TMEM165: variants seen among roughly 807,000 people sequenced by gnomAD.
TMEM165 encodes transmembrane protein 165.
In TMEM165, 19 loss-of-function variants were observed where a neutral mutation model predicts 30.0. That is an observed-to-expected ratio of 0.63 (90% CI 0.44 to 0.93). The LOEUF (loss-of-function observed/expected upper bound fraction) is 0.93, where lower values mean the gene tolerates loss of function less well. Among genes scored for constraint, TMEM165 ranks in the 40% least tolerant of loss-of-function variants. The probability of loss-of-function intolerance (pLI) is 0.00; values close to 1 mark genes in which losing one functional copy is unlikely to be tolerated. For synonymous variants in TMEM165, 168 were observed against 162.9 expected (o/e 1.03, Z -0.24); for missense variants, 340 against 417.0 (o/e 0.82, Z 1.61).
intron 3 of TMEM165, chr4:55,438,641 G>C (rs1723092067): frequency 6.5e-7 from 1 of 1,548,036 alleles, no homozygotes; most frequent in Non-Finnish European, 8.8e-7. Context: ...CAATGACATT[G>C]CCAGTTTGTT....
chr4:55,428,774 T>C (rs1722341453), downstream of TMEM165: 2 of 151,512 alleles, frequency 1.3e-5, no homozygotes, highest in African/African-American at 4.9e-5. Flanking sequence ...ATGAAAAATT[T>C]ACAAAGGTAA....
chr4:55,409,853 A>C (rs1381832092), intron 1 of TMEM165, among the ~76,000 whole-genome samples: 2 of 152,178 alleles, frequency 1.3e-5, no homozygotes, highest in Admixed American at 6.5e-5. Flanking sequence ...CCTCTCTGTT[A>C]AGCTAAAACC....
downstream of TMEM165, among the ~76,000 whole-genome samples, chr4:55,427,701 C>T (rs1722287896): frequency 6.6e-6 from 1 of 152,054 alleles, no homozygotes; most frequent in Non-Finnish European, 1.5e-5. Context: ...CTGGCACCAT[C>T]ATCGTGTAAC....
chr4:55,403,299 TCTC>T (rs1351650118), intron 1 of TMEM165: 1 of 1,277,956 alleles, frequency 7.8e-7, no homozygotes, highest in Non-Finnish European at 1.0e-6. Context: ...ATCTTCATCT[TCTC>T]TAGTTTCATC....
At chr4:55,438,380 GC>G in intron 3 of TMEM165, 2 of 1,613,538 alleles carry the variant, frequency 1.2e-6, no homozygotes, top group Non-Finnish European at 1.7e-6. Flanking sequence ...TGCTGCTGCT[GC>G]GTTACTGACA....
chr4:55,449,619 G>T, intron 3 of TMEM165: 1 of 804,486 alleles, frequency 1.2e-6, no homozygotes, highest in Non-Finnish European at 2.1e-6. Context: ...ACCATTCAAT[G>T]AAAGTGAAGT....
rs149107904 is a variant in TMEM165 at position 55,401,854 on chromosome 4, C to T, written c.207+5458C>T. ...AATGAAGGCCGGGCGCAGTGGCTCA[C>T]GCTTGTAATCCCTCCACTTTGGGAG... On this transcript the variant is annotated intron_variant, in intron 1 of 5. Transcript: ENST00000381334. Among the ~76,000 whole-genome samples, 421 of 150,224 alleles carry T rather than the reference C, an allele frequency of 2.8e-3. 2 individuals carry two copies. The highest frequency in any genetic ancestry group is 0.01 in the Middle Eastern group (3 of 294).
chr4:55,432,845 T>TC (rs1577656902), intron 3 of TMEM165: 1 of 152,426 alleles, frequency 6.6e-6, no homozygotes, highest in Non-Finnish European at 1.5e-5. Flanking sequence ...TTTAATTTTT[T>TC]CCCCCGACTA....
chr4:55,422,048 C>T (rs1721998881), intron 4 of TMEM165, among the ~76,000 whole-genome samples: 1 of 152,166 alleles, frequency 6.6e-6, no homozygotes, highest in Admixed American at 6.5e-5. Context: ...CCATGGGAAC[C>T]CAGTTTCTGG....
intron 3 of TMEM165, among the ~76,000 whole-genome samples, chr4:55,441,907 T>C (rs12510990): frequency 0.34 from 51,371 of 152,064 alleles, 9,381 homozygotes; most frequent in East Asian, 0.58. Context: ...GTGTTCAGAG[T>C]TCCCTTCCTC....
intron 3 of TMEM165, chr4:55,449,000 G>T: frequency 1.4e-6 from 1 of 740,542 alleles, no homozygotes. Context: ...GCTGAATACA[G>T]CTATGTCTTC....
chr4:55,410,110 C>G (rs1445121859), intron 1 of TMEM165, among the ~76,000 whole-genome samples: 1 of 152,092 alleles, frequency 6.6e-6, no homozygotes, highest in East Asian at 1.9e-4. Flanking sequence ...CTCCTTTTCT[C>G]TTTCTTCTTA....
intron 2 of TMEM165, among the ~76,000 whole-genome samples, chr4:55,412,896 ATATAT>A (rs1430793316): frequency 6.6e-6 from 1 of 152,222 alleles, no homozygotes; most frequent in African/African-American, 2.4e-5. Context: ...CTCAAAGAAA[ATATAT>A]TATAAATTTA....
chr4:55,450,311 C>G, intron 3 of TMEM165: 1 of 1,563,204 alleles, frequency 6.4e-7, no homozygotes, highest in Non-Finnish European at 8.8e-7. Context: ...TTAACAACAA[C>G]AAAAAAATCA....
At chr4:55,414,121 C>A (rs7686624) in intron 2 of TMEM165, among the ~76,000 whole-genome samples, 4,064 of 152,082 alleles carry the variant, frequency 0.027, 188 homozygotes, top group African/African-American at 0.093. Flanking sequence ...ATCCAAAAAA[C>A]TAGCCAGGCT....
rs966622982 is a variant in TMEM165, at chr4:55,396,304, C to G, written c.115C>G (p.Leu39Val). 4.6e-6 allele frequency: 7 copies of G among 1,530,480 alleles called. No homozygotes were observed. The African/African-American group carries it at 1.0e-4, about 22-fold the overall frequency. The allele number at this position is 1,530,480 out of a possible 1,614,324, so 94.8% of individuals were successfully genotyped here. A position where few individuals can be genotyped will look rare whatever the true frequency, so the allele number is the denominator to read the frequency against. The change falls in exon 1 of 6, where the codon CTT becomes GTT. Residue 39 changes from leucine to valine, a missense_variant. Physicochemically the swap from Leu to Val is conservative, Grantham distance 32. This residue lies in a region of TMEM165 where 120 missense variants were observed against 109.4 expected (regional missense o/e 1.10). Transcript: ENST00000381334. The part of the protein sequence containing the change: ...AAVRAGPDED[L>V]SHRNKEPPAP... ...GGTCCGGGCCGGCCCAGATGAAGACCTTAGCCACCGGAACAAAGAACCGCC... is the reference window on the plus strand; with the variant it reads ...GGTCCGGGCCGGCCCAGATGAAGACGTTAGCCACCGGAACAAAGAACCGCC...
At chr4:55,416,176 T>C (rs544135907) in intron 2 of TMEM165, 1 of 152,260 alleles carries the variant, frequency 6.6e-6, no homozygotes, top group South Asian at 2.1e-4. Flanking sequence ...ATTTATTATA[T>C]GTATGGTCGT....
At chr4:55,438,154 A>T in intron 3 of TMEM165, 2 of 1,204,246 alleles carry the variant, frequency 1.7e-6, no homozygotes, top group African/African-American at 1.5e-5. Flanking sequence ...CTATCTTTGT[A>T]GAGATTTAAA....
chr4:55,402,434 T>TATATATATATATATATA (rs1224256602), intron 1 of TMEM165, among the ~76,000 whole-genome samples: 1 of 27,058 alleles, frequency 3.7e-5, no homozygotes, highest in Non-Finnish European at 6.0e-5. Context: ...TATATATATA[T>TATATATATATATATATA]TTTTTTTTTT....
Sources: allele counts gnomAD v4.1 joint callset (sites outside exome capture counted in the v4.1 genomes callset), GRCh38; gene constraint gnomAD v4.1.1; regional missense constraint gnomAD v4.1.1; transcripts MANE v1.5; gene names NCBI Gene and HGNC (gene_info 2026-07-23, HGNC 2026-07-21).